The following OLFML2A variants were observed in gnomAD, a reference collection of about 807,000 sequenced individuals.
OLFML2A encodes the protein olfactomedin like 2A.
Under a neutral mutation model 60.9 loss-of-function variants are expected in OLFML2A, and 47 were observed. That is an observed-to-expected ratio of 0.77 (90% CI 0.61 to 0.98). The LOEUF is 0.98. Among genes scored for constraint, OLFML2A ranks in the 50% least tolerant of loss-of-function variants. The probability of loss-of-function intolerance (pLI) is 0.00; values close to 1 mark genes in which losing one functional copy is unlikely to be tolerated. For missense variants in OLFML2A, 922 were observed against 879.8 expected, an observed-to-expected ratio of 1.05 and a Z score of -0.61; for synonymous variants, 372 against 375.0, an observed-to-expected ratio of 0.99 and a Z score of 0.09.
Position 124,813,308 on chromosome 9 carries a change from A to T in OLFML2A, c.*2896A>T, listed in dbSNP as rs1842056558. On this transcript the variant is annotated 3_prime_UTR_variant, in exon 8 of 8. Coordinates refer to ENST00000373580, the MANE Select transcript of OLFML2A (RefSeq NM_182487.4). The stretch of plus-strand genomic sequence containing the variant: ...CTAGAACAGTTAGGTCGCTCGTCAC[A>T]TAGGCAGTTAAGTGGAGAACCAGGT... The T allele has an allele frequency of 6.6e-6, 1 of 152,268 alleles. No individual in the cohort carries two copies. The highest frequency in any genetic ancestry group is 1.5e-5 in the Non-Finnish European group (1 of 68,058). The allele number at this position is 152,268 out of a possible 1,614,324, so 9.4% of individuals were successfully genotyped here. A position where few individuals can be genotyped will look rare whatever the true frequency, so the allele number is the denominator to read the frequency against.
chr9:124,778,728 C>T (rs1022363774), intron 1 of OLFML2A, among the ~76,000 whole-genome samples: 6 of 151,640 alleles, frequency 4.0e-5, no homozygotes, highest in South Asian at 4.2e-4. Flanking sequence ...ACCCAGCAGG[C>T]GGAGGTTGCA....
rs150798539 is a variant in OLFML2A at position 124,809,849 on chromosome 9, G to A, written c.1396G>A (p.Gly466Ser). 99 of 1,613,402 alleles carry A rather than the reference G, an allele frequency of 6.1e-5. No individual in the cohort carries two copies. The highest frequency in any genetic ancestry group is 7.5e-5 in the Non-Finnish European group (88 of 1,179,640). The change falls in exon 8 of 8, where the codon GGC becomes AGC. Residue 466 changes from glycine to serine, a missense_variant. Coordinates refer to ENST00000373580, the MANE Select transcript of OLFML2A (RefSeq NM_182487.4). ...NMYKLPYNWIGTGHVVYQGAF... is the reference protein window; with the variant it reads ...NMYKLPYNWISTGHVVYQGAF... ...GTACAAGCTACCCTACAACTGGATC[G>A]GCACAGGCCACGTGGTGTACCAGGG... is the stretch of plus-strand genomic sequence containing the variant.
intron 2 of OLFML2A, among the ~76,000 whole-genome samples, chr9:124,788,357 C>G (rs543110947): frequency 1.3e-5 from 2 of 151,926 alleles, no homozygotes; most frequent in African/African-American, 2.4e-5. Flanking sequence ...CCTGTAATCC[C>G]AGCACTTTGG....
At chr9:124,804,498 C>T (rs1453173158) in intron 6 of OLFML2A, among the ~76,000 whole-genome samples, 156 bp downstream of exon 6, 5 of 151,910 alleles carry the variant, frequency 3.3e-5, no homozygotes, top group African/African-American at 4.8e-5. Context: ...CCAAGGTGGA[C>T]GAATCACCTG....
intron 1 of OLFML2A, among the ~76,000 whole-genome samples, chr9:124,778,173 C>T (rs1240734286): frequency 3.3e-5 from 5 of 151,616 alleles, no homozygotes; most frequent in Admixed American, 3.3e-4. Flanking sequence ...TCCTGGCTAA[C>T]ACGGTGAAAC....
chr9:124,801,337 C>T, intron 4 of OLFML2A, 77 bp from the exon 5 acceptor site: 9 of 1,492,132 alleles, frequency 6.0e-6, no homozygotes, highest in Non-Finnish European at 6.5e-6. Context: ...CTCCAGTCCC[C>T]ACATGCTGAG....
intron 2 of OLFML2A, 111 bp downstream of exon 2, chr9:124,787,349 A>G (rs767799628): frequency 4.8e-6 from 5 of 1,049,038 alleles, no homozygotes; most frequent in African/African-American, 1.6e-5. Flanking sequence ...TTACTGCCCC[A>G]TTTCACAGAT....
chr9:124,791,737 C>CAAAAAAA (rs10553820), intron 2 of OLFML2A, among the ~76,000 whole-genome samples: 19 of 74,856 alleles, frequency 2.5e-4, no homozygotes, highest in African/African-American at 4.1e-4. Flanking sequence ...GACTCTGTCT[C>CAAAAAAA]AAAAAAAAAA....
intron 7 of OLFML2A, among the ~76,000 whole-genome samples, chr9:124,808,910 C>T (rs1297409275): frequency 2.0e-5 from 3 of 151,762 alleles, no homozygotes; most frequent in Non-Finnish European, 4.4e-5. Flanking sequence ...AATCCTAGCA[C>T]TTTGGGAGGC....
intron 7 of OLFML2A, among the ~76,000 whole-genome samples, chr9:124,809,067 T>C (rs566157587): frequency 4.7e-4 from 72 of 151,640 alleles, no homozygotes; most frequent in African/African-American, 1.7e-3. Flanking sequence ...CTTGGGAGGC[T>C]AAGGCAGGAG....
At chr9:124,780,769 A>T (rs1399189947) in intron 1 of OLFML2A, among the ~76,000 whole-genome samples, 1 of 152,186 alleles carries the variant, frequency 6.6e-6, no homozygotes, top group Non-Finnish European at 1.5e-5. Flanking sequence ...CAGCACTTAC[A>T]TGCAGAATCT....
rs1232095560 is a variant in OLFML2A at position 124,814,660 on chromosome 9, T to G, written c.*4248T>G. 6.6e-6 allele frequency: 1 copy of G among 152,226 alleles called. No individual in the cohort carries two copies. The allele number at this position is 152,226 out of a possible 1,614,324, so 9.4% of individuals were successfully genotyped here. ...AACCAGTCATGTTTTCTTCCTTGTT[T>G]TGGCCGCTGGGAAGCTCAAAGTCAA... On this transcript the variant is annotated 3_prime_UTR_variant, in exon 8 of 8. Transcript: ENST00000373580.
At chr9:124,800,823 AG>A in intron 4 of OLFML2A, 3 of 1,366,692 alleles carry the variant, frequency 2.2e-6, no homozygotes, top group Non-Finnish European at 2.8e-6. Flanking sequence ...CCAGCATCGG[AG>A]GCATTTAAAT....
intron 7 of OLFML2A, among the ~76,000 whole-genome samples, chr9:124,808,265 G>A (rs1300502626): frequency 6.6e-6 from 1 of 152,238 alleles, no homozygotes; most frequent in East Asian, 1.9e-4. Flanking sequence ...CCAATACTGA[G>A]TTTCCATTTG....
chr9:124,811,285 C>T lies in OLFML2A; in HGVS notation c.*873C>T, dbSNP rs1322264144. On this transcript the variant is annotated 3_prime_UTR_variant, in exon 8 of 8. Coordinates refer to ENST00000373580, the MANE Select transcript of OLFML2A (RefSeq NM_182487.4). ...GAGGCTCCCTCTCCACCCAGAAGCA[C>T]TGGCGTTGTTCACATAGTCAGGCCT... 6.5e-6 allele frequency: 1 copy of T among 152,710 alleles called. No individual in the cohort carries two copies. The allele number at this position is 152,710 out of a possible 1,614,324, so 9.5% of individuals were successfully genotyped here.
chr9:124,796,106 CT>C (rs1841666172), intron 3 of OLFML2A, among the ~76,000 whole-genome samples: 1 of 152,250 alleles, frequency 6.6e-6, no homozygotes. Flanking sequence ...TGGGGGCTTC[CT>C]TTCCCAGCTT....
intron 2 of OLFML2A, 39 bp downstream of exon 2, chr9:124,787,277 C>T: frequency 6.3e-7 from 1 of 1,587,936 alleles, no homozygotes; most frequent in Non-Finnish European, 8.6e-7. Flanking sequence ...AAGGGCCTAT[C>T]ATGAGCTGGA....
chr9:124,814,793 T>C lies in OLFML2A; in HGVS notation c.*4381T>C, dbSNP rs1458601674. On this transcript the variant is annotated 3_prime_UTR_variant, in exon 8 of 8. Coordinates refer to ENST00000373580, the MANE Select transcript of OLFML2A (RefSeq NM_182487.4). ...TAATCTTTTTATTTTTATGCTATTGTACTTTATTTTTGTAAGTTGCTGAGA... is the reference window on the plus strand; with the variant it reads ...TAATCTTTTTATTTTTATGCTATTGCACTTTATTTTTGTAAGTTGCTGAGA... 1 of 152,242 alleles carries C rather than the reference T, an allele frequency of 6.6e-6. No homozygotes were observed. Among genetic ancestry groups the C allele is most frequent in the African/African-American group, 2.4e-5 (1 of 41,460 alleles). 9.4% of individuals were successfully genotyped at this position (152,242 alleles called of 1,614,324 possible).
chr9:124,803,957 A>G, intron 5 of OLFML2A, 137 bp from the exon 6 acceptor site: 1 of 885,228 alleles, frequency 1.1e-6, no homozygotes, highest in Non-Finnish European at 1.7e-6. Flanking sequence ...ACCCCCCTCC[A>G]GGTGTGAGGA....
Sources: allele counts gnomAD v4.1 joint callset (sites outside exome capture counted in the v4.1 genomes callset), GRCh38; gene constraint gnomAD v4.1.1; transcripts MANE v1.5; gene names NCBI Gene and HGNC (gene_info 2026-07-23, HGNC 2026-07-21).